The following ADORA2B variants were observed in gnomAD, a reference collection of about 807,000 sequenced individuals.
ADORA2B encodes adenosine A2b receptor, also known as adenosine receptor A2b.
ADORA2B carries 18 observed loss-of-function variants against 20.8 expected under a neutral mutation model. The observed-to-expected ratio is 0.87, with a 90% CI of 0.60 to 1.29. The LOEUF (loss-of-function observed/expected upper bound fraction) is 1.29, where lower values mean the gene tolerates loss of function less well. ADORA2B is among the 50% of genes most tolerant of loss of function. The pLI is 0.00. For missense variants in ADORA2B, 441 were observed against 422.7 expected (o/e 1.04, Z -0.38); for synonymous variants, 179 against 178.3 (o/e 1.00, Z -0.03).
chr17:15,961,735 G>T (rs1234401279), intron 1 of ADORA2B, among the ~76,000 whole-genome samples: 1 of 152,224 alleles, frequency 6.6e-6, no homozygotes, highest in African/African-American at 2.4e-5. Flanking sequence ...ATGGCAGAAA[G>T]TGAGAGGGTA....
chr17:15,919,020 T>A, the ADORA2B span, among the ~76,000 whole-genome samples: 1 of 152,088 alleles, frequency 6.6e-6, no homozygotes, highest in Non-Finnish European at 1.5e-5. Flanking sequence ...CTCTTCTCAG[T>A]CTCCAGGAGG....
the ADORA2B span, among the ~76,000 whole-genome samples, chr17:15,879,802 G>A: frequency 1.3e-5 from 2 of 150,116 alleles, no homozygotes; most frequent in Non-Finnish European, 2.9e-5. Context: ...CTCCCAAGGT[G>A]CTGGGTTTAC....
At chr17:15,861,797 CCT>C in the ADORA2B span, among the ~76,000 whole-genome samples, 503 of 152,308 alleles carry the variant, frequency 3.3e-3, no homozygotes, top group African/African-American at 0.012. Flanking sequence ...TCAACTGTTT[CCT>C]CTCTCATGTC....
chr17:15,974,702 C>A lies in ADORA2B; in HGVS notation c.359C>A (p.Thr120Asn). 6.2e-7 allele frequency: 1 copy of A among 1,613,574 alleles called. No individual in the cohort carries two copies. Among genetic ancestry groups the A allele is most frequent in the Admixed American group, 1.7e-5 (1 of 59,986 alleles). The change falls in exon 2 of 2, where the codon ACC (threonine) becomes AAC (asparagine). Residue 120 changes from threonine to asparagine, a missense_variant. Transcript: ENST00000304222. ...PLRYKSLVTG[T>N]RARGVIAVLW... ...AGGTATAAAAGTTTGGTCACGGGGACCCGAGCAAGAGGGGTCATTGCTGTC... is the reference window on the plus strand; with the variant it reads ...AGGTATAAAAGTTTGGTCACGGGGAACCGAGCAAGAGGGGTCATTGCTGTC...
At chr17:15,910,328 T>TA in the ADORA2B span, among the ~76,000 whole-genome samples, 1 of 152,004 alleles carries the variant, frequency 6.6e-6, no homozygotes, top group African/African-American at 2.4e-5. Flanking sequence ...GACTGAGTTT[T>TA]GCTGTTTCAC....
the ADORA2B span, among the ~76,000 whole-genome samples, chr17:15,891,468 C>T: frequency 1.2e-4 from 19 of 152,248 alleles, no homozygotes; most frequent in South Asian, 3.7e-3. Flanking sequence ...TCCCTGGGCT[C>T]TTATTGCACA....
the ADORA2B span, among the ~76,000 whole-genome samples, chr17:15,927,297 C>T: frequency 1.3e-5 from 2 of 152,186 alleles, no homozygotes; most frequent in African/African-American, 4.8e-5. Context: ...TTCTGGCTAA[C>T]ATGGTGAAAC....
At chr17:15,974,594 C>A in intron 1 of ADORA2B, 85 bp from the exon 2 acceptor site, 1 of 1,240,672 alleles carries the variant, frequency 8.1e-7, no homozygotes, top group Non-Finnish European at 1.1e-6. Flanking sequence ...GTTAAAGGGT[C>A]ATGGAAAAAA....
chr17:15,928,010 T>C, the ADORA2B span, among the ~76,000 whole-genome samples: 38,133 of 151,882 alleles, frequency 0.25, 5,397 homozygotes, highest in African/African-American at 0.39. Context: ...TTAGTAGAGA[T>C]GGGGTTTCAC....
At chr17:15,945,666 T>G in intron 1 of ADORA2B, 83 bp downstream of exon 1, 1 of 1,328,034 alleles carries the variant, frequency 7.5e-7, no homozygotes, top group Non-Finnish European at 1.0e-6. Flanking sequence ...GGTTCCTCCC[T>G]CGGGGGCCCC....
chr17:15,881,447 A>C, the ADORA2B span, among the ~76,000 whole-genome samples: 1 of 152,208 alleles, frequency 6.6e-6, no homozygotes, highest in Non-Finnish European at 1.5e-5. Flanking sequence ...AGAATTTATC[A>C]TTTTAACTGT....
At chr17:15,867,358 G>A in the ADORA2B span, among the ~76,000 whole-genome samples, 8 of 151,924 alleles carry the variant, frequency 5.3e-5, no homozygotes, top group African/African-American at 1.9e-4. Context: ...CTGCCAGGCC[G>A]CCCATCGTCT....
the ADORA2B span, among the ~76,000 whole-genome samples, chr17:15,868,446 A>G: frequency 5.8e-5 from 8 of 138,660 alleles, 2 homozygotes; most frequent in Admixed American, 5.1e-4. Context: ...CTTTCCTCTA[A>G]TGGTTAGTGC....
chr17:15,961,428 G>A (rs942243842), intron 1 of ADORA2B, among the ~76,000 whole-genome samples: 5 of 152,132 alleles, frequency 3.3e-5, no homozygotes, highest in Admixed American at 6.6e-5. Context: ...TCCTCAGTCA[G>A]TCCATTAAGT....
chr17:15,904,862 A>G, the ADORA2B span, among the ~76,000 whole-genome samples: 1 of 152,150 alleles, frequency 6.6e-6, no homozygotes, highest in Non-Finnish European at 1.5e-5. Flanking sequence ...AAATTAGTTG[A>G]CTATATTTGT....
chr17:15,945,219 G>C lies in ADORA2B; in HGVS notation c.-30G>C, dbSNP rs764146196. 36 of 1,383,198 alleles carry C rather than the reference G, an allele frequency of 2.6e-5. No individual in the cohort carries two copies. The East Asian group carries it at 1.0e-3, about 40-fold the overall frequency. 85.7% of individuals were successfully genotyped at this position (1,383,198 alleles called of 1,614,324 possible). ...CCCCTCGCCCGGCGCGCCTTCGGTA[G>C]GGGGCGCCCGGGGCCCAGCTGGCCC... On this transcript the variant is annotated 5_prime_UTR_variant, in exon 1 of 2. The change abolishes the stop of an existing upstream ORF in the 5' untranslated region. Transcript: ENST00000304222.
chr17:15,952,644 AAAG>A (rs1969920180), intron 1 of ADORA2B, among the ~76,000 whole-genome samples: 1 of 152,210 alleles, frequency 6.6e-6, no homozygotes, highest in South Asian at 2.1e-4. Context: ...TTACCTGGAC[AAAG>A]AAGACTCCAG....
chr17:15,917,172 G>A, the ADORA2B span, among the ~76,000 whole-genome samples: 1 of 152,268 alleles, frequency 6.6e-6, no homozygotes, highest in Non-Finnish European at 1.5e-5. Context: ...GCTGGGCGTG[G>A]TGGCGCCTGT....
intron 1 of ADORA2B, among the ~76,000 whole-genome samples, chr17:15,955,797 C>T (rs1013800283): frequency 1.3e-5 from 2 of 151,254 alleles, no homozygotes; most frequent in African/African-American, 4.9e-5. Context: ...TGGCTCACTG[C>T]AACTTTCACC....
Sources: gnomAD v4.1 joint callset for allele counts (sites outside exome capture counted in the v4.1 genomes callset) on GRCh38, gnomAD v4.1.1 for gene constraint, MANE v1.5 for transcripts, NCBI Gene and HGNC (gene_info 2026-07-23, HGNC 2026-07-21) for gene names.